AGRN: variants seen among roughly 807,000 people sequenced by gnomAD.
AGRN encodes the protein agrin proteoglycan.
In AGRN, 106 loss-of-function variants were observed where a neutral mutation model predicts 211.0. The observed-to-expected ratio is 0.50, with a 90% CI of 0.43 to 0.59. The LOEUF (loss-of-function observed/expected upper bound fraction) is 0.59. Among genes scored for constraint, AGRN ranks in the 20% least tolerant of loss-of-function variants. AGRN has a pLI of 0.00. For missense variants in AGRN, 3,040 were observed against 2,982.6 expected (o/e 1.02, Z -0.45); for synonymous variants, 1,525 against 1,332.5 (o/e 1.14, Z -3.15).
rs781725211 is a variant in AGRN, at chr1:1,041,911, A to G, written c.1178-45A>G. On this transcript the variant is annotated intron_variant, in intron 6 of 35. Coordinates refer to ENST00000379370, the MANE Select transcript of AGRN (RefSeq NM_198576.4). ...CCTGCACATCCCAGGGCAGGGATGG[A>G]GGGTGCTCCAGCCTCTCCGTGACTC... 1.9e-6 allele frequency: 3 copies of G among 1,603,524 alleles called. No individual in the cohort carries two copies. The African/African-American group carries it at 4.0e-5, about 22-fold the overall frequency.
rs1378046777 is a variant in AGRN at position 1,048,988 on chromosome 1, G to C, written c.4227G>C (p.Leu1409=). The C allele has an allele frequency of 2.5e-6, 4 of 1,580,440 alleles. No homozygotes were observed. The highest frequency in any genetic ancestry group is 2.6e-6 in the Non-Finnish European group (3 of 1,165,160). Residue 1409 remains leucine, a synonymous_variant, in exon 24 of 36, where the codon CTG becomes CTC. Coordinates refer to ENST00000379370, the MANE Select transcript of AGRN (RefSeq NM_198576.4). The surrounding 1 kb of genome is among the most constrained non-coding windows in gnomAD (Gnocchi z 5.9). The part of the protein sequence containing the change: ...EFRALEPQGL[L]LYNGNARGKD... ...GGGCGCTGGAGCCTCAGGGGCTGCT[G>C]CTGTACAATGGCAACGCCCGGGGCA...
In AGRN at chr1:1,043,910, GC is replaced by G; in HGVS notation, c.1890del (p.Val631CysfsTer101). 3 of 1,608,954 alleles carry G rather than the reference GC, an allele frequency of 1.9e-6. No individual in the cohort carries two copies. The highest frequency in any genetic ancestry group is 2.5e-6 in the Non-Finnish European group (3 of 1,179,108). ...VCPRCEHPPP[G>X]PVCGSDGVTY... ...CCCCGGTGTGAGCACCCCCCGCCCGGCCCCGTGTGTGGCAGCGACGGTGTCA... is the reference window on the plus strand; with the variant it reads ...CCCCGGTGTGAGCACCCCCCGCCCGGCCCGTGTGTGGCAGCGACGGTGTCA... On this transcript the variant is annotated frameshift_variant, in exon 10 of 36. Transcript: ENST00000379370. LOFTEE classifies it high-confidence loss of function.
intron 2 of AGRN, 127 bp downstream of exon 2, chr1:1,022,589 G>GTAGTCTGACCTGTGGTCTGACTA: frequency 1.4e-6 from 1 of 739,682 alleles, no homozygotes; most frequent in Non-Finnish European, 2.2e-6. Context: ...ACGGTGTCTT[G>GTAGTCTGACCTGTGGTCTGACTA]TGGTCCAACC....
rs376271121 is a variant in AGRN, at chr1:1,050,526, G to A, written c.5076G>A (p.Ser1692=). 2.9e-5 allele frequency: 47 copies of A among 1,612,640 alleles called. No individual in the cohort carries two copies. Among genetic ancestry groups the A allele is most frequent in the Admixed American group, 1.7e-4 (10 of 59,982 alleles). Residue 1692 remains serine (S), a synonymous_variant, in exon 29 of 36, where the codon TCG becomes TCA. Coordinates refer to ENST00000379370, the MANE Select transcript of AGRN (RefSeq NM_198576.4). ...CGGACGGCAAGGGGGACTTCGTGTC[G>A]CTGGCACTGCGGGACCGCCGCCTGG... ...QKTDGKGDFV[S]LALRDRRLEF...
At chr1:1,037,280 G>A (rs927196343) in intron 3 of AGRN, among the ~76,000 whole-genome samples, 1 of 152,170 alleles carries the variant, frequency 6.6e-6, no homozygotes, top group Non-Finnish European at 1.5e-5. Flanking sequence ...CCTCAGCCTC[G>A]TTTCCTGACA....
At chr1:1,021,439 C>T (rs963477757) in intron 1 of AGRN, among the ~76,000 whole-genome samples, 6 of 152,240 alleles carry the variant, frequency 3.9e-5, no homozygotes, top group Non-Finnish European at 8.8e-5. Flanking sequence ...AGGCTCCCAG[C>T]AGGGGCTGCG....
At chr1:1,022,506 C>T (rs199577170) in intron 2 of AGRN, 44 bp downstream of exon 2, 2 of 1,577,850 alleles carry the variant, frequency 1.3e-6, no homozygotes, top group Non-Finnish European at 1.7e-6. Context: ...GGGGTCAGGG[C>T]AGTGGCCAAG....
intron 2 of AGRN, among the ~76,000 whole-genome samples, chr1:1,030,161 GCAGTGCATGGTGCTGTGAGATCAGCA>G (rs1644629483): frequency 4.5e-5 from 4 of 88,888 alleles, no homozygotes; most frequent in South Asian, 5.0e-4. Context: ...GTGTGTGTGT[GCAGTGCATGGTGCTGTGAGATCAGCA>G]TGTGTGTGTG....
rs1477213531 is a variant in AGRN at position 1,051,814 on chromosome 1, A to G, written c.5650A>G (p.Ser1884Gly). 26 of 1,613,386 alleles carry G rather than the reference A, an allele frequency of 1.6e-5. No homozygotes were observed. The highest frequency in any genetic ancestry group is 2.2e-5 in the Non-Finnish European group (26 of 1,179,934). ...FVEYLNAVTE[S>G]EKALQSNHFE... is the part of the protein sequence containing the mutation. ...CGAGTACCTCAACGCTGTGACCGAG[A>G]GGTAACGTGCCATCCTCTGCTGGCT... Residue 1884 changes from serine to glycine, a missense_variant and splice_region_variant, in exon 33 of 36, where the codon AGC becomes GGC. By Grantham distance (56) the Ser-to-Gly change is moderately conservative (BLOSUM62 0). Around this residue, in one of 3 missense-constraint regions of AGRN, gnomAD observed 1,537 missense variants for 1,505.0 expected, o/e 1.02. Coordinates refer to ENST00000379370, the MANE Select transcript of AGRN (RefSeq NM_198576.4).
At position 1,040,647 on chromosome 1, in the gene AGRN, C is replaced by A; in HGVS notation, c.512-18C>A. ...CGGGCGTCTCGGCACCCTGAGCTTT[C>A]TCCCCTACCCGCCCCAGCGTGCCGG... On this transcript the variant is annotated intron_variant, in intron 3 of 35. Transcript: ENST00000379370. 2 of 1,546,844 alleles carry A rather than the reference C, an allele frequency of 1.3e-6. No individual in the cohort carries two copies. Among genetic ancestry groups the A allele is most frequent in the Non-Finnish European group, 1.7e-6 (2 of 1,146,234 alleles).
chr1:1,033,463 C>T (rs1236283388), intron 2 of AGRN, among the ~76,000 whole-genome samples: 1 of 151,616 alleles, frequency 6.6e-6, no homozygotes, highest in Non-Finnish European at 1.5e-5. Flanking sequence ...CCGCCCGGCC[C>T]AGCTCCTGCT....
At chr1:1,034,983 G>C (rs993952956) in intron 2 of AGRN, 5 of 547,336 alleles carry the variant, frequency 9.1e-6, no homozygotes, top group Non-Finnish European at 1.6e-5. Flanking sequence ...CAGGACCTGC[G>C]GTGGACTCTT....
intron 3 of AGRN, among the ~76,000 whole-genome samples, chr1:1,040,441 C>T (rs970913611): frequency 2.4e-4 from 36 of 152,320 alleles, no homozygotes; most frequent in Non-Finnish European, 4.7e-4. Context: ...AAAGGTCATC[C>T]CTGGAGAGGC....
At chr1:1,034,897 T>A (rs542393901) in intron 2 of AGRN, 80 of 372,350 alleles carry the variant, frequency 2.1e-4, no homozygotes, top group Admixed American at 6.0e-4. Flanking sequence ...CACCCAAAGC[T>A]GCAGAAACAC....
At chr1:1,053,677 C>G (rs949274188) in intron 33 of AGRN, 76 bp from the exon 34 acceptor site, 89 of 1,512,900 alleles carry the variant, frequency 5.9e-5, no homozygotes, top group Non-Finnish European at 7.4e-5. Context: ...GCAGCTGGGG[C>G]CCTTGTCCTC....
At chr1:1,029,980 CATGTGT>C (rs1389672818) in intron 2 of AGRN, among the ~76,000 whole-genome samples, 2 of 24,404 alleles carry the variant, frequency 8.2e-5, no homozygotes, top group Non-Finnish European at 1.9e-4. Flanking sequence ...GTGAGATCAG[CATGTGT>C]GTGTGTGTGT....
Position 1,049,363 on chromosome 1 carries a change from G to C in AGRN, c.4426G>C (p.Val1476Leu). 2.5e-6 allele frequency: 4 copies of C among 1,598,384 alleles called. No homozygotes were observed. Among genetic ancestry groups the C allele is most frequent in the Non-Finnish European group, 3.4e-6 (4 of 1,179,624 alleles). The change falls in exon 25 of 36, where the codon GTT becomes CTT. Residue 1476 changes from valine (V) to leucine (L), a missense_variant. By Grantham distance (32) the Val-to-Leu change is conservative. Coordinates refer to ENST00000379370, the MANE Select transcript of AGRN (RefSeq NM_198576.4). ...CCTCTCGGTGGATGGTGAGACCCCTGTTCTGGGCGAGAGTCCCAGTGGCAC... is the reference window on the plus strand; with the variant it reads ...CCTCTCGGTGGATGGTGAGACCCCTCTTCTGGGCGAGAGTCCCAGTGGCAC... Reference protein sequence around the residue: ...GTLSVDGETPVLGESPSGTDG... With the variant: ...GTLSVDGETPLLGESPSGTDG...
chr1:1,022,499 G>T lies in AGRN; in HGVS notation c.463+37G>T, dbSNP rs746710454. 6 of 1,582,702 alleles carry T rather than the reference G, an allele frequency of 3.8e-6. No homozygotes were observed. The Middle Eastern group carries it at 5.1e-4, about 134-fold the overall frequency. Reference sequence around the variant, plus strand: ...GGGGCTCGTGTGGGGGCCTGTGGGGGTCAGGGCAGTGGCCAAGGGGGACAG... The same window carrying T: ...GGGGCTCGTGTGGGGGCCTGTGGGGTTCAGGGCAGTGGCCAAGGGGGACAG... On this transcript the variant is annotated intron_variant, in intron 2 of 35. Coordinates refer to ENST00000379370, the MANE Select transcript of AGRN (RefSeq NM_198576.4).
In AGRN at chr1:1,049,656, G is replaced by C. The variant is rs373097825; in HGVS notation, c.4605G>C (p.Gly1535=). ...VNNQRLELGI[G]PGAATRGSGV... The stretch of plus-strand genomic sequence containing the variant: ...ACCAGCGCCTGGAGCTTGGCATTGG[G>C]CCGGGGGCTGCCACCCGAGGCTCTG... Residue 1535 remains glycine, a synonymous_variant, in exon 26 of 36, where the codon GGG becomes GGC. Coordinates refer to ENST00000379370, the MANE Select transcript of AGRN (RefSeq NM_198576.4). 7 of 1,580,590 alleles carry C rather than the reference G, an allele frequency of 4.4e-6. No homozygotes were observed. Among genetic ancestry groups the C allele is most frequent in the Non-Finnish European group, 5.2e-6 (6 of 1,164,446 alleles).
Sources: gnomAD v4.1 joint callset for allele counts (sites outside exome capture counted in the v4.1 genomes callset) on GRCh38, gnomAD v4.1.1 for gene constraint, gnomAD v4.1.1 regional missense constraint, Gnocchi (gnomAD v3.1) non-coding constraint, MANE v1.5 for transcripts, NCBI Gene and HGNC (gene_info 2026-07-23, HGNC 2026-07-21) for gene names.